EIF2AK2: variants seen among roughly 807,000 people sequenced by gnomAD.
EIF2AK2 encodes the protein eukaryotic translation initiation factor 2 alpha kinase 2, also known as interferon-induced, double-stranded RNA-activated protein kinase.
Under a neutral mutation model 70.5 loss-of-function variants are expected in EIF2AK2, and 40 were observed. The ratio of observed to expected loss-of-function variants is 0.57; its 90% CI spans 0.44 to 0.74. The LOEUF is 0.74. EIF2AK2 is among the 30% of genes least tolerant of loss of function. The pLI is 0.00. For synonymous variants in EIF2AK2, 198 were observed against 220.9 expected, an observed-to-expected ratio of 0.90 and a Z score of 0.92; for missense variants, 555 against 644.3, an observed-to-expected ratio of 0.86 and a Z score of 1.50.
At chr2:37,130,201 A>C (rs1449891364) in intron 10 of EIF2AK2, among the ~76,000 whole-genome samples, 2 of 152,074 alleles carry the variant, frequency 1.3e-5, no homozygotes, top group African/African-American at 4.8e-5. Flanking sequence ...TCCCAGATTC[A>C]AGTAATTCTC....
intron 14 of EIF2AK2, among the ~76,000 whole-genome samples, chr2:37,113,853 C>T (rs186298219): frequency 8.7e-4 from 133 of 152,184 alleles, no homozygotes; most frequent in African/African-American, 3.0e-3. Context: ...TACATTTTGA[C>T]GGGACAGTAT....
At chr2:37,108,772 G>C (rs771531907) in intron 15 of EIF2AK2, among the ~76,000 whole-genome samples, 1 of 152,184 alleles carries the variant, frequency 6.6e-6, no homozygotes, top group Non-Finnish European at 1.5e-5. Flanking sequence ...ATTTCACCAC[G>C]TTGGCCAGGC....
chr2:37,133,843 G>A (rs976065661), intron 10 of EIF2AK2, among the ~76,000 whole-genome samples: 1 of 152,104 alleles, frequency 6.6e-6, no homozygotes, highest in Non-Finnish European at 1.5e-5. Flanking sequence ...TATTCCACGG[G>A]ATTTATGGCT....
intron 1 of EIF2AK2, chr2:37,149,344 T>C: frequency 1.4e-6 from 1 of 728,430 alleles, no homozygotes; most frequent in South Asian, 1.7e-5. Context: ...AGGTCTTTAT[T>C]TCTAAAATTC....
At chr2:37,132,889 T>G (rs1333200820) in intron 10 of EIF2AK2, among the ~76,000 whole-genome samples, 1 of 152,198 alleles carries the variant, frequency 6.6e-6, no homozygotes, top group Admixed American at 6.5e-5. Context: ...TTGGTTCTGG[T>G]TGATACCTTT....
At chr2:37,111,878 A>AAAAATATAT (rs1553335064) in intron 14 of EIF2AK2, among the ~76,000 whole-genome samples, 1 of 69,126 alleles carries the variant, frequency 1.4e-5, no homozygotes, top group African/African-American at 6.2e-5. Context: ...AAAAAAAAAA[A>AAAAATATAT]ATATATATAT....
chr2:37,122,342 T>G (rs753734701), intron 12 of EIF2AK2, among the ~76,000 whole-genome samples, 164 bp downstream of exon 12: 10 of 152,114 alleles, frequency 6.6e-5, no homozygotes, highest in Non-Finnish European at 1.3e-4. Flanking sequence ...AAGGAAGAGA[T>G]TTTCACTTTC....
At chr2:37,124,236 A>G (rs1014462840) in intron 11 of EIF2AK2, among the ~76,000 whole-genome samples, 1 of 152,024 alleles carries the variant, frequency 6.6e-6, no homozygotes, top group Non-Finnish European at 1.5e-5. Context: ...TCAAAGTGGT[A>G]GGATTACAGG....
At chr2:37,114,938 A>T in intron 13 of EIF2AK2, 79 bp from the exon 14 acceptor site, 1 of 996,736 alleles carries the variant, frequency 1.0e-6, no homozygotes. Context: ...TACAGAAAAG[A>T]CTATTTTTAT....
intron 14 of EIF2AK2, among the ~76,000 whole-genome samples, chr2:37,114,287 A>C (rs1426432916): frequency 6.6e-6 from 1 of 152,036 alleles, no homozygotes; most frequent in Non-Finnish European, 1.5e-5. Context: ...GTGACAGAGC[A>C]AGACCCTGTC....
chr2:37,140,126 A>C (rs1383043309), intron 5 of EIF2AK2, among the ~76,000 whole-genome samples: 3 of 152,162 alleles, frequency 2.0e-5, no homozygotes, highest in African/African-American at 7.2e-5. Flanking sequence ...GAGGTGCTCA[A>C]ATGGGAAGGA....
chr2:37,150,883 T>G (rs1675717540), intron 1 of EIF2AK2, among the ~76,000 whole-genome samples: 2 of 152,174 alleles, frequency 1.3e-5, no homozygotes, highest in Admixed American at 1.3e-4. Flanking sequence ...ACTGAGTAAA[T>G]TAAGACCTCT....
chr2:37,155,068 G>T (rs1490632836), intron 1 of EIF2AK2, among the ~76,000 whole-genome samples: 1 of 151,780 alleles, frequency 6.6e-6, no homozygotes, highest in Non-Finnish European at 1.5e-5. Context: ...CTCCAGGTTT[G>T]TGGCTTTAAA....
chr2:37,148,804 T>A, intron 2 of EIF2AK2, 53 bp downstream of exon 2: 2 of 824,242 alleles, frequency 2.4e-6, no homozygotes, highest in African/African-American at 1.7e-5. Context: ...TGCATGTAAT[T>A]GACTTAGATG....
chr2:37,128,349 A>G (rs1199532605), intron 10 of EIF2AK2, among the ~76,000 whole-genome samples: 2 of 152,210 alleles, frequency 1.3e-5, no homozygotes, highest in South Asian at 2.1e-4. Flanking sequence ...AACAGATACA[A>G]GTGGATCAAT....
chr2:37,125,356 G>A (rs1339334977), intron 11 of EIF2AK2, among the ~76,000 whole-genome samples: 1 of 152,168 alleles, frequency 6.6e-6, no homozygotes, highest in Admixed American at 6.5e-5. Flanking sequence ...GACAAATTAC[G>A]GGGTAGGGCC....
chr2:37,122,189 C>A (rs910430564), intron 12 of EIF2AK2, among the ~76,000 whole-genome samples: 1 of 152,152 alleles, frequency 6.6e-6, no homozygotes, highest in Admixed American at 6.6e-5. Context: ...CAAGACTACA[C>A]TTAAACAGCC....
intron 9 of EIF2AK2, among the ~76,000 whole-genome samples, chr2:37,136,319 T>C (rs1409129769): frequency 1.3e-5 from 2 of 152,220 alleles, no homozygotes; most frequent in African/African-American, 2.4e-5. Flanking sequence ...CTTCATGCTT[T>C]CACTCAGCTA....
intron 12 of EIF2AK2, among the ~76,000 whole-genome samples, chr2:37,121,247 T>C (rs1487511488): frequency 1.0e-5 from 1 of 99,388 alleles, no homozygotes; most frequent in African/African-American, 3.7e-5. Context: ...TGTGCGACAG[T>C]GCGAGACACC....
Sources: allele counts gnomAD v4.1 joint callset (sites outside exome capture counted in the v4.1 genomes callset), GRCh38; gene constraint gnomAD v4.1.1; transcripts MANE v1.5; gene names NCBI Gene and HGNC (gene_info 2026-07-23, HGNC 2026-07-21).